PCDH15: variants seen among roughly 807,000 people sequenced by gnomAD.
The protein encoded by PCDH15 is protocadherin related 15.
A neutral mutation model predicts 178.5 loss-of-function variants in PCDH15; 129 were observed. The observed-to-expected ratio is 0.72, with a 90% CI of 0.63 to 0.84. The LOEUF is 0.84. Ranked by LOEUF, PCDH15 falls within the 40% of genes least tolerant of loss-of-function variation. PCDH15 has a pLI of 0.00. For synonymous variants in PCDH15, 800 were observed against 732.0 expected (o/e 1.09, Z -1.50); for missense variants, 2,230 against 2,099.9 (o/e 1.06, Z -1.21).
intron 3 of PCDH15, among the ~76,000 whole-genome samples, chr10:54,509,438 T>C (rs2081450877): frequency 6.6e-6 from 1 of 152,186 alleles, no homozygotes. Flanking sequence ...CCCAGCTATG[T>C]GGATCTGTGA....
intron 2 of PCDH15, among the ~76,000 whole-genome samples, chr10:55,588,397 C>T (rs1287206891): frequency 1.3e-5 from 2 of 152,070 alleles, no homozygotes; most frequent in South Asian, 2.1e-4. Flanking sequence ...TTATAGATGG[C>T]TTGCCAAAAT....
At chr10:54,267,321 C>G (rs2057756919) in intron 8 of PCDH15, among the ~76,000 whole-genome samples, 1 of 151,750 alleles carries the variant, frequency 6.6e-6, no homozygotes, top group Admixed American at 6.6e-5. Context: ...CTACATTATA[C>G]TAAATAGGCA....
chr10:53,994,292 C>G (rs11003975), intron 21 of PCDH15, among the ~76,000 whole-genome samples: 3 of 152,042 alleles, frequency 2.0e-5, no homozygotes, highest in Non-Finnish European at 4.4e-5. Flanking sequence ...TCATCATTAA[C>G]GCCATTAAAC....
At chr10:55,170,613 G>C (rs1418315428) in intron 1 of PCDH15, among the ~76,000 whole-genome samples, 1 of 152,202 alleles carries the variant, frequency 6.6e-6, no homozygotes, top group African/African-American at 2.4e-5. Context: ...GCCGAGTGCA[G>C]TGGCTTACAC....
At chr10:55,025,230 CAG>C (rs1273643961) in intron 2 of PCDH15, among the ~76,000 whole-genome samples, 2 of 152,084 alleles carry the variant, frequency 1.3e-5, no homozygotes, top group African/African-American at 2.4e-5. Context: ...GATGAAGAGA[CAG>C]AGAAAGAGAA....
At chr10:54,019,731 C>T (rs1327957977) in intron 20 of PCDH15, among the ~76,000 whole-genome samples, 1 of 152,080 alleles carries the variant, frequency 6.6e-6, no homozygotes, top group African/African-American at 2.4e-5. Context: ...CAGAATTTAA[C>T]CTCAATTCCA....
At chr10:55,174,028 T>C (rs1228310264) in intron 1 of PCDH15, among the ~76,000 whole-genome samples, 2 of 152,224 alleles carry the variant, frequency 1.3e-5, no homozygotes, top group African/African-American at 2.4e-5. Flanking sequence ...TATTCAATTT[T>C]ATAGACAAAA....
chr10:54,718,804 C>G (rs937254401), intron 1 of PCDH15, among the ~76,000 whole-genome samples: 5 of 147,586 alleles, frequency 3.4e-5, no homozygotes, highest in African/African-American at 1.2e-4. Context: ...CAATTCGATT[C>G]TCCTGCCTCA....
intron 20 of PCDH15, among the ~76,000 whole-genome samples, chr10:54,011,282 G>A (rs989715897): frequency 6.6e-5 from 10 of 152,176 alleles, no homozygotes; most frequent in African/African-American, 2.4e-4. Flanking sequence ...CACACCTCCA[G>A]ACAGCTGCAT....
intron 2 of PCDH15, among the ~76,000 whole-genome samples, chr10:55,520,035 C>CAT (rs1565217431): frequency 7.2e-6 from 1 of 139,738 alleles, no homozygotes; most frequent in African/African-American, 2.7e-5. Context: ...ATATATATGC[C>CAT]ATATATATAC....
At chr10:54,082,293 C>A (rs1463222391) in intron 16 of PCDH15, among the ~76,000 whole-genome samples, 2 of 152,102 alleles carry the variant, frequency 1.3e-5, no homozygotes, top group African/African-American at 4.8e-5. Flanking sequence ...CAGGGGATAG[C>A]CCACAAACAC....
At chr10:54,246,659 G>T (rs2055964517) in intron 8 of PCDH15, among the ~76,000 whole-genome samples, 1 of 151,696 alleles carries the variant, frequency 6.6e-6, no homozygotes, top group Non-Finnish European at 1.5e-5. Flanking sequence ...TCTTGAGTAT[G>T]TCTTCTTACT....
At chr10:54,509,516 CTTAT>C (rs1380342987) in intron 3 of PCDH15, among the ~76,000 whole-genome samples, 2 of 152,076 alleles carry the variant, frequency 1.3e-5, no homozygotes, top group Non-Finnish European at 2.9e-5. Flanking sequence ...GATTGTACAG[CTTAT>C]TTCTTATTAT....
chr10:55,350,268 TACACACAC>T (rs766450240), intron 2 of PCDH15, among the ~76,000 whole-genome samples: 103 of 56,744 alleles, frequency 1.8e-3, no homozygotes, highest in African/African-American at 8.7e-3. Flanking sequence ...TATATATATA[TACACACAC>T]ACACACACAC....
At chr10:54,774,928 T>A (rs1949530270) in intron 1 of PCDH15, among the ~76,000 whole-genome samples, 1 of 152,218 alleles carries the variant, frequency 6.6e-6, no homozygotes. Context: ...AGTGCTTTTT[T>A]ACTTTGAGGT....
intron 2 of PCDH15, among the ~76,000 whole-genome samples, chr10:54,636,861 G>C (rs374192039): frequency 3.4e-4 from 52 of 151,794 alleles, no homozygotes; most frequent in African/African-American, 1.3e-3. Flanking sequence ...TCCAGTACTA[G>C]AAAACACAAC....
chr10:55,151,763 A>T (rs531817462), intron 2 of PCDH15, among the ~76,000 whole-genome samples: 1 of 152,102 alleles, frequency 6.6e-6, no homozygotes, highest in Non-Finnish European at 1.5e-5. Flanking sequence ...TTTCTGTTTA[A>T]TATTAAGATA....
chr10:55,390,231 T>C (rs958868638), intron 2 of PCDH15, among the ~76,000 whole-genome samples: 1 of 152,158 alleles, frequency 6.6e-6, no homozygotes. Context: ...TACACCTTAA[T>C]TAAAAAATAC....
intron 2 of PCDH15, among the ~76,000 whole-genome samples, chr10:55,569,506 A>T (rs555685094): frequency 6.6e-6 from 1 of 152,010 alleles, no homozygotes; most frequent in Non-Finnish European, 1.5e-5. Context: ...AAAAACAATC[A>T]AAACAAACAG....
Sources: gnomAD v4.1 joint callset for allele counts (sites outside exome capture counted in the v4.1 genomes callset) on GRCh38, gnomAD v4.1.1 for gene constraint, MANE v1.5 for transcripts, NCBI Gene and HGNC (gene_info 2026-07-23, HGNC 2026-07-21) for gene names.